MED30: variants seen among roughly 807,000 people sequenced by gnomAD.
MED30 encodes mediator complex subunit 30, also known as mediator of RNA polymerase II transcription subunit 30.
Under a neutral mutation model 21.7 loss-of-function variants are expected in MED30, and 8 were observed. The observed-to-expected ratio is 0.37, with a 90% CI of 0.22 to 0.67. The LOEUF (loss-of-function observed/expected upper bound fraction) is 0.67. Ranked by LOEUF, MED30 falls within the 30% of genes least tolerant of loss-of-function variation. MED30 has a pLI of 0.58. For missense variants in MED30, 203 were observed against 228.2 expected (o/e 0.89, Z 0.71); for synonymous variants, 79 against 86.7 (o/e 0.91, Z 0.49).
chr8:117,527,884 T>A (rs945803332), intron 1 of MED30, among the ~76,000 whole-genome samples: 1 of 151,902 alleles, frequency 6.6e-6, no homozygotes, highest in Admixed American at 6.6e-5. Flanking sequence ...ATTTTGTTCA[T>A]GAGTTTCAGC....
chr8:117,527,576 A>G (rs892865647), intron 1 of MED30, among the ~76,000 whole-genome samples: 4 of 149,570 alleles, frequency 2.7e-5, no homozygotes, highest in Admixed American at 2.7e-4. Context: ...GGTTTTAATC[A>G]TTATATGTCC....
intron 1 of MED30, among the ~76,000 whole-genome samples, chr8:117,527,636 CTTTTTTT>C (rs3040826): frequency 0.35 from 44,470 of 127,850 alleles, 6,959 homozygotes; most frequent in Middle Eastern, 0.48. Context: ...TTTTTTCTTT[CTTTTTTT>C]TTTTTTTTTT....
Position 117,520,780 on chromosome 8 carries a change from G to T in MED30, c.-97G>T, listed in dbSNP as rs1477468194. On this transcript the variant is annotated 5_prime_UTR_variant, in exon 1 of 4. Coordinates refer to ENST00000297347, the MANE Select transcript of MED30 (RefSeq NM_080651.4). Reference sequence around the variant, plus strand: ...AATCGGGCCGCGGGGGGTCTCTCAAGCTGGTTCCAACGCTGAGGCCCCACA... The same window carrying T: ...AATCGGGCCGCGGGGGGTCTCTCAATCTGGTTCCAACGCTGAGGCCCCACA... The T allele has an allele frequency of 7.8e-7, 1 of 1,284,976 alleles. No homozygotes were observed. Among genetic ancestry groups the T allele is most frequent in the Non-Finnish European group, 1.0e-6 (1 of 962,670 alleles). 79.6% of individuals were successfully genotyped at this position (1,284,976 alleles called of 1,614,324 possible).
intron 3 of MED30, among the ~76,000 whole-genome samples, chr8:117,532,731 G>A (rs1818808722): frequency 2.0e-5 from 3 of 151,946 alleles, no homozygotes. Context: ...TTTTTAAAAG[G>A]TGAAACACAC....
intron 3 of MED30, among the ~76,000 whole-genome samples, chr8:117,536,360 A>T (rs375292457): frequency 1.3e-5 from 2 of 152,324 alleles, no homozygotes. Context: ...TTTATAATAA[A>T]ATTATATTAT....
intron 1 of MED30, chr8:117,523,546 G>T: frequency 6.2e-7 from 1 of 1,600,964 alleles, no homozygotes; most frequent in Non-Finnish European, 8.5e-7. Flanking sequence ...ACCCTCATTG[G>T]TAAGGTACCA....
intron 1 of MED30, among the ~76,000 whole-genome samples, chr8:117,524,755 T>G (rs188412420): frequency 4.6e-5 from 7 of 151,640 alleles, no homozygotes; most frequent in African/African-American, 1.5e-4. Context: ...ACTATTTTTG[T>G]GTATCTTTCC....
At chr8:117,523,582 T>C in intron 1 of MED30, 1 of 1,602,216 alleles carries the variant, frequency 6.2e-7, no homozygotes, top group Non-Finnish European at 8.5e-7. Flanking sequence ...GGCAAACTGT[T>C]CCTTCACGTA....
chr8:117,530,646 C>CTGATA, intron 2 of MED30, 77 bp from the exon 3 acceptor site: 1 of 925,994 alleles, frequency 1.1e-6, no homozygotes, highest in Non-Finnish European at 1.6e-6. Flanking sequence ...TGACCTTAAT[C>CTGATA]TGATATATTC....
intron 1 of MED30, chr8:117,523,832 C>A (rs1016632624): frequency 1.1e-5 from 6 of 530,106 alleles, no homozygotes; most frequent in Admixed American, 9.6e-5. Context: ...CATGGTGAAA[C>A]CCCATCTCTA....
At chr8:117,538,990 A>G (rs6987009) in intron 3 of MED30, among the ~76,000 whole-genome samples, 2 of 152,164 alleles carry the variant, frequency 1.3e-5, no homozygotes, top group East Asian at 1.9e-4. Flanking sequence ...TATATTTTCT[A>G]TATCGACAGT....
At position 117,540,213 on chromosome 8, in the gene MED30, T is replaced by C. The variant is rs1378493696; in HGVS notation, c.*235T>C. The C allele has an allele frequency of 7.8e-6, 2 of 257,986 alleles. No homozygotes were observed. Among genetic ancestry groups the C allele is most frequent in the African/African-American group, 4.5e-5 (2 of 44,518 alleles). 16.0% of individuals were successfully genotyped at this position (257,986 alleles called of 1,614,324 possible). A position where few individuals can be genotyped will look rare whatever the true frequency, so the allele number is the denominator to read the frequency against. On this transcript the variant is annotated 3_prime_UTR_variant, in exon 4 of 4. Coordinates refer to ENST00000297347, the MANE Select transcript of MED30 (RefSeq NM_080651.4). Reference sequence around the variant, plus strand: ...TGTATTTTGGTTAATCTTCATGAATTGAATAATTGTTTTTTTAAAGCAAAA... The same window carrying C: ...TGTATTTTGGTTAATCTTCATGAATCGAATAATTGTTTTTTTAAAGCAAAA...
chr8:117,533,894 C>T (rs1818827542), intron 3 of MED30, among the ~76,000 whole-genome samples: 1 of 152,180 alleles, frequency 6.6e-6, no homozygotes, highest in Non-Finnish European at 1.5e-5. Context: ...TGGTGATGTG[C>T]ATACATCAGT....
intron 1 of MED30, among the ~76,000 whole-genome samples, chr8:117,522,595 A>G (rs1358986600): frequency 1.3e-5 from 2 of 151,610 alleles, no homozygotes; most frequent in Non-Finnish European, 2.9e-5. Flanking sequence ...AAAATCTTAC[A>G]GCTCTTATTT....
chr8:117,533,423 C>CCT (rs1359627745), intron 3 of MED30, among the ~76,000 whole-genome samples: 1 of 152,124 alleles, frequency 6.6e-6, no homozygotes, highest in African/African-American at 2.4e-5. Flanking sequence ...CTCCCTACAG[C>CCT]CTCTCTCTCC....
intron 1 of MED30, among the ~76,000 whole-genome samples, chr8:117,522,374 C>T (rs1818638073): frequency 6.6e-6 from 1 of 152,180 alleles, no homozygotes; most frequent in Non-Finnish European, 1.5e-5. Context: ...TACATAGTGG[C>T]AGATACGGAT....
Position 117,520,983 on chromosome 8 carries a change from T to G in MED30, c.107T>G (p.Ile36Ser), listed in dbSNP as rs749968982. The change falls in exon 1 of 4, where the codon ATC becomes AGC. Residue 36 changes from isoleucine (I) to serine (S), a missense_variant. Ile to Ser is a moderately radical substitution (Grantham distance 142). Coordinates refer to ENST00000297347, the MANE Select transcript of MED30 (RefSeq NM_080651.4). Reference sequence around the variant, plus strand: ...GTCAACACGGCGTCGCTGTGCCGCATCGGGCAGGAGACAGTGCAGGACATC... The same window carrying G: ...GTCAACACGGCGTCGCTGTGCCGCAGCGGGCAGGAGACAGTGCAGGACATC... ...REVNTASLCR[I>S]GQETVQDIVY... is the part of the protein sequence containing the mutation. 1 of 1,613,112 alleles carries G rather than the reference T, an allele frequency of 6.2e-7. No individual in the cohort carries two copies.
chr8:117,522,785 T>C (rs991188016), intron 1 of MED30, among the ~76,000 whole-genome samples: 1 of 152,062 alleles, frequency 6.6e-6, no homozygotes, highest in Non-Finnish European at 1.5e-5. Context: ...TTTAAAAAAA[T>C]GAATAGATTC....
chr8:117,526,656 C>A (rs1818723915), intron 1 of MED30, among the ~76,000 whole-genome samples: 1 of 151,930 alleles, frequency 6.6e-6, no homozygotes, highest in African/African-American at 2.4e-5. Flanking sequence ...GGCATTTTTA[C>A]CGTGTATACT....
Sources: allele counts gnomAD v4.1 joint callset (sites outside exome capture counted in the v4.1 genomes callset), GRCh38; gene constraint gnomAD v4.1.1; transcripts MANE v1.5; gene names NCBI Gene and HGNC (gene_info 2026-07-23, HGNC 2026-07-21).